OXNAD1: variants seen among roughly 807,000 people sequenced by gnomAD.
The protein encoded by OXNAD1 is oxidoreductase NAD binding domain containing 1.
In OXNAD1, 34 loss-of-function variants were observed where a neutral mutation model predicts 32.9. That is an observed-to-expected ratio of 1.03 (90% CI 0.79 to 1.38). The LOEUF is 1.38. Ranked by LOEUF, OXNAD1 falls within the 40% of genes most tolerant of loss-of-function variation. The probability of loss-of-function intolerance (pLI) is 0.00; values close to 1 mark genes in which losing one functional copy is unlikely to be tolerated. For synonymous variants in OXNAD1, 134 were observed against 135.2 expected, an observed-to-expected ratio of 0.99 and a Z score of 0.06; for missense variants, 407 against 379.4, an observed-to-expected ratio of 1.07 and a Z score of -0.60.
rs150747419 is a variant in OXNAD1 at position 16,288,249 on chromosome 3, C to T, written c.290+1801C>T. On this transcript the variant is annotated intron_variant, in intron 5 of 8. Transcript: ENST00000285083. This position sits in a 1 kb window ranked among gnomAD's most constrained non-coding sequence, Gnocchi z 5.1. ...CCATGTGGTACTTTGGAGAAGAGGG[C>T]AAGGATTAGGGATAGGAAGTGAGGA... is the stretch of plus-strand genomic sequence containing the variant. Among the ~76,000 whole-genome samples, 1,812 of 152,164 alleles carry T rather than the reference C, an allele frequency of 0.012. 19 individuals are homozygous for T. The highest frequency in any genetic ancestry group is 0.037 in the Middle Eastern group (11 of 294).
At chr3:16,350,655 A>G (rs1213799881), downstream of OXNAD1, among the ~76,000 whole-genome samples, 2 of 152,024 alleles carry the variant, frequency 1.3e-5, no homozygotes, top group Non-Finnish European at 2.9e-5. Flanking sequence ...CTCGTTACTC[A>G]CCTGTGCTAT....
chr3:16,309,568 TTAAC>T (rs1424080035), downstream of OXNAD1, among the ~76,000 whole-genome samples: 12 of 30,434 alleles, frequency 3.9e-4, 5 homozygotes, highest in African/African-American at 1.6e-3. Context: ...GGTGATTTTT[TTAAC>T]TAACAATTTT....
In OXNAD1 at chr3:16,345,895, C is replaced by A. The variant is rs951236469; in HGVS notation, c.*31-3281C>A. ...CTACTGGTTCTGTTTTACTGGAGAA[C>A]CCTAATACACTTCTTTCTTGTTGTT... is the stretch of plus-strand genomic sequence containing the variant. On this transcript the variant is annotated intron_variant, in intron 9 of 9. Transcript: ENST00000606098. This position sits in a 1 kb window ranked among gnomAD's most constrained non-coding sequence, Gnocchi z 5.2. 6.6e-6 allele frequency: 1 copy of A among 151,644 alleles called. No homozygotes were observed. The highest frequency in any genetic ancestry group is 1.5e-5 in the Non-Finnish European group (1 of 67,960). The allele number at this position is 151,644 out of a possible 1,614,324, so 9.4% of individuals were successfully genotyped here.
chr3:16,328,900 AAAT>A (rs1296657130), intron 9 of OXNAD1, among the ~76,000 whole-genome samples: 2 of 152,238 alleles, frequency 1.3e-5, no homozygotes, highest in African/African-American at 4.8e-5. Flanking sequence ...CATGAGAAAA[AAAT>A]ATATATTTTT....
rs766433334 is a variant in OXNAD1, at chr3:16,328,093, C to T, written c.*31-9019C>T. On this transcript the variant is annotated intron_variant, in intron 9 of 9. Coordinates refer to the OXNAD1 transcript ENST00000435829. ...GATGGGTGCAAAGGCACAGCCCCGG[C>T]CCCTGGAGTTCACAGGCTAGCAGGG... Among the ~76,000 whole-genome samples the T allele has an allele frequency of 2.6e-5, 4 of 152,370 alleles. No homozygotes were observed. In the East Asian group the frequency reaches 5.8e-4, roughly 22 times the overall value.
chr3:16,289,991 TAGATGTTTGCATTA>T lies in OXNAD1; in HGVS notation c.290+3546_290+3559del, dbSNP rs1202976351. Among the ~76,000 whole-genome samples the T allele has an allele frequency of 2.0e-5, 3 of 152,218 alleles. No individual in the cohort carries two copies. The highest frequency in any genetic ancestry group is 3.8e-4 in the East Asian group (2 of 5,202). ...TGTATATGGTAGGCAGGTGCTCTCT[TAGATGTTTGCATTA>T]AGTGAATGAGTGAGGGGCTCTGAGA... On this transcript the variant is annotated intron_variant, in intron 5 of 8. Transcript: ENST00000285083. The surrounding 1 kb of genome is among the most constrained non-coding windows in gnomAD (Gnocchi z 4.9).
chr3:16,343,538 CTGA>C (rs764657548), intron 9 of OXNAD1, among the ~76,000 whole-genome samples: 88 of 152,286 alleles, frequency 5.8e-4, no homozygotes, highest in Non-Finnish European at 1.1e-3. Context: ...CTAGAGTCTG[CTGA>C]TGTTTCTCAT....
At chr3:16,311,075 C>G (rs914614819), downstream of OXNAD1, among the ~76,000 whole-genome samples, 14 of 151,762 alleles carry the variant, frequency 9.2e-5, no homozygotes, top group Admixed American at 1.3e-4. Flanking sequence ...CCTTTGTACT[C>G]CCACATGCAT....
chr3:16,295,389 A>C (rs1327768937), intron 6 of OXNAD1, among the ~76,000 whole-genome samples: 2 of 152,218 alleles, frequency 1.3e-5, no homozygotes, highest in African/African-American at 4.8e-5. Context: ...AAACTATCTG[A>C]TTACATAGTA....
chr3:16,306,847 C>G (rs1382190731), downstream of OXNAD1, among the ~76,000 whole-genome samples: 1 of 152,088 alleles, frequency 6.6e-6, no homozygotes, highest in African/African-American at 2.4e-5. Flanking sequence ...TAATGTCTGT[C>G]CCACTTTTAA....
Position 16,317,028 on chromosome 3 carries a change from G to A in OXNAD1, c.*30+13436G>A, listed in dbSNP as rs1273793896. On this transcript the variant is annotated intron_variant, in intron 9 of 9. Coordinates refer to the OXNAD1 transcript ENST00000435829. This position sits in a 1 kb window ranked among gnomAD's most constrained non-coding sequence, Gnocchi z 4.3. ...GACAGCTGTTCTCCCTTGTCCTCTTGGACAGGGCCCTTCATCTCCTCGGAG... is the reference window on the plus strand; with the variant it reads ...GACAGCTGTTCTCCCTTGTCCTCTTAGACAGGGCCCTTCATCTCCTCGGAG... The A allele has an allele frequency of 1.2e-6, 2 of 1,613,622 alleles. No individual in the cohort carries two copies. The highest frequency in any genetic ancestry group is 1.7e-4 in the Middle Eastern group (1 of 6,056).
chr3:16,318,182 G>A (rs1037031729), intron 9 of OXNAD1, among the ~76,000 whole-genome samples: 3 of 151,968 alleles, frequency 2.0e-5, no homozygotes, highest in African/African-American at 4.8e-5. Flanking sequence ...CCCCAGCTCC[G>A]TCACTGACCG....
intron 9 of OXNAD1, chr3:16,315,071 A>G (rs547884336): frequency 1.3e-5 from 2 of 152,236 alleles, no homozygotes; most frequent in Admixed American, 6.5e-5. Context: ...TGGCTGTACA[A>G]AGGTTTTACA....
In OXNAD1 at chr3:16,346,759, C is replaced by T. The variant is rs1273118702; in HGVS notation, c.*31-2417C>T. Among the ~76,000 whole-genome samples the T allele has an allele frequency of 6.6e-6, 1 of 152,182 alleles. No homozygotes were observed. Among genetic ancestry groups the T allele is most frequent in the Admixed American group, 6.5e-5 (1 of 15,288 alleles). On this transcript the variant is annotated intron_variant, in intron 9 of 9. Coordinates refer to the OXNAD1 transcript ENST00000606098. This position sits in a 1 kb window ranked among gnomAD's most constrained non-coding sequence, Gnocchi z 4.4. ...CAGGAAAAAACTGCCCCGTTCTTCA[C>T]GGTTGTCATCACATTTGCATGAGAC... is the stretch of plus-strand genomic sequence containing the variant.
chr3:16,272,090 C>CT (rs763494963), intron 4 of OXNAD1: 17,040 of 371,810 alleles, frequency 0.046, 120 homozygotes, highest in Middle Eastern at 0.057. Context: ...TGTGTGGGGT[C>CT]TTTTTTTTTT....
downstream of OXNAD1, among the ~76,000 whole-genome samples, chr3:16,341,869 G>A (rs970579812): frequency 6.6e-6 from 1 of 152,086 alleles, no homozygotes. This position sits in a 1 kb window ranked among gnomAD's most constrained non-coding sequence, Gnocchi z 4.7. Context: ...TACCATTTTT[G>A]TAAAAAATAT....
downstream of OXNAD1, among the ~76,000 whole-genome samples, chr3:16,340,904 A>G (rs542359214): frequency 6.6e-6 from 1 of 152,378 alleles, no homozygotes; most frequent in South Asian, 2.1e-4. Flanking sequence ...TGCAAAAGCC[A>G]TATCTGATAA....
At position 16,303,480 on chromosome 3, in the gene OXNAD1, C is replaced by T. The variant is rs1254920781; in HGVS notation, c.857C>T (p.Pro286Leu). ...ACTTTGTTCTATATTTGTGGCCCAC[C>T]TCCAATGACAGACTTTTTCTCCAAG... ...KETLFYICGPPPMTDFFSKQL... is the reference protein window; with the variant it reads ...KETLFYICGPLPMTDFFSKQL... The change falls in exon 9 of 9, where the codon CCT becomes CTT. Residue 286 changes from proline to leucine, a missense_variant. Transcript: ENST00000285083. This position sits in a 1 kb window ranked among gnomAD's most constrained non-coding sequence, Gnocchi z 4.8. 2 of 1,614,052 alleles carry T rather than the reference C, an allele frequency of 1.2e-6. No individual in the cohort carries two copies. Among genetic ancestry groups the T allele is most frequent in the South Asian group, 1.1e-5 (1 of 91,078 alleles).
In OXNAD1 at chr3:16,304,620, CAAAAG is replaced by C; in HGVS notation, c.*1061_*1065del. On this transcript the variant is annotated 3_prime_UTR_variant, in exon 9 of 9. Coordinates refer to ENST00000285083, the MANE Select transcript of OXNAD1 (RefSeq NM_138381.5). This position sits in a 1 kb window ranked among gnomAD's most constrained non-coding sequence, Gnocchi z 4.6. ...TTCTTTGTTTAGATTTTTAAAAATC[CAAAAG>C]AAGTCCTGACTGAGGCCAGGCCATT... 6.6e-6 allele frequency: 1 copy of C among 152,188 alleles called. No homozygotes were observed. The highest frequency in any genetic ancestry group is 1.9e-4 in the East Asian group (1 of 5,186). 9.4% of individuals were successfully genotyped at this position (152,188 alleles called of 1,614,324 possible).
Sources: gnomAD v4.1 joint callset for allele counts (sites outside exome capture counted in the v4.1 genomes callset) on GRCh38, gnomAD v4.1.1 for gene constraint, Gnocchi (gnomAD v3.1) non-coding constraint, MANE v1.5 for transcripts, NCBI Gene and HGNC (gene_info 2026-07-23, HGNC 2026-07-21) for gene names.